YY1: variants seen among roughly 807,000 people sequenced by gnomAD.
YY1 encodes transcriptional repressor protein YY1.
A neutral mutation model predicts 35.6 loss-of-function variants in YY1; 2 were observed. The ratio of observed to expected loss-of-function variants is 0.06; its 90% CI spans 0.02 to 0.18. The LOEUF (loss-of-function observed/expected upper bound fraction) is 0.18. YY1 is among the 10% of genes least tolerant of loss of function. The pLI, the probability that YY1 is intolerant of heterozygous loss-of-function variation, is 1.00. For missense variants in YY1, 322 were observed against 573.4 expected, an observed-to-expected ratio of 0.56 and a Z score of 4.48; for synonymous variants, 268 against 238.9, an observed-to-expected ratio of 1.12 and a Z score of -1.12.
At chr14:100,265,910 G>T (rs1891147936) in intron 2 of YY1, among the ~76,000 whole-genome samples, 1 of 152,078 alleles carries the variant, frequency 6.6e-6, no homozygotes, top group South Asian at 2.1e-4. Flanking sequence ...GCCTCCCAAA[G>T]GGCTGGGATT....
At chr14:100,249,747 C>T (rs1408259870) in intron 1 of YY1, among the ~76,000 whole-genome samples, 1 of 77,556 alleles carries the variant, frequency 1.3e-5, no homozygotes, top group African/African-American at 6.6e-5. Flanking sequence ...TGCTACTTAC[C>T]GTTTTTTTTT....
At chr14:100,248,122 T>TTTTTTTTTC (rs1555369344) in intron 1 of YY1, among the ~76,000 whole-genome samples, 1 of 28,562 alleles carries the variant, frequency 3.5e-5, no homozygotes, top group African/African-American at 1.9e-4. Flanking sequence ...TTTTTTTTTC[T>TTTTTTTTTC]TTTTTTTTTT....
At chr14:100,255,688 G>A (rs540465560) in intron 1 of YY1, among the ~76,000 whole-genome samples, 1 of 152,122 alleles carries the variant, frequency 6.6e-6, no homozygotes, top group African/African-American at 2.4e-5. Flanking sequence ...TTTTCAGCCA[G>A]TTTTATTATG....
chr14:100,244,696 C>T (rs973049151), intron 1 of YY1, among the ~76,000 whole-genome samples: 2 of 151,180 alleles, frequency 1.3e-5, no homozygotes, highest in African/African-American at 4.9e-5. Flanking sequence ...GATCCTCCCA[C>T]CTCAGCCTTC....
intron 2 of YY1, among the ~76,000 whole-genome samples, chr14:100,270,801 C>G (rs1243041503): frequency 6.6e-6 from 1 of 152,076 alleles, no homozygotes; most frequent in Non-Finnish European, 1.5e-5. Flanking sequence ...TCCAAGGAGT[C>G]CTAGGCAGGT....
At chr14:100,245,157 C>T (rs947146503) in intron 1 of YY1, among the ~76,000 whole-genome samples, 10 of 151,596 alleles carry the variant, frequency 6.6e-5, no homozygotes, top group Non-Finnish European at 1.2e-4. Context: ...AGGATGGTCT[C>T]GATCTCCTGA....
chr14:100,255,896 T>A (rs1175757988), intron 1 of YY1, among the ~76,000 whole-genome samples: 1 of 152,210 alleles, frequency 6.6e-6, no homozygotes, highest in Non-Finnish European at 1.5e-5. Context: ...ATTAGAATTG[T>A]TCAGGTTTTG....
Position 100,239,192 on chromosome 14 carries a change from CCCGCAG to C in YY1, c.-49_-44del. ...GGCCGGCCGCCTCCTCGCCCGCCCG[CCCGCAG>C]CCGAGGAGCCGAGGCCGCCGCGGCC... is the stretch of plus-strand genomic sequence containing the variant. On this transcript the variant is annotated 5_prime_UTR_variant, in exon 1 of 5. Coordinates refer to ENST00000262238, the MANE Select transcript of YY1 (RefSeq NM_003403.5). 1 of 1,368,076 alleles carries C rather than the reference CCCGCAG, an allele frequency of 7.3e-7. No individual in the cohort carries two copies. Among genetic ancestry groups the C allele is most frequent in the Non-Finnish European group, 9.4e-7 (1 of 1,068,690 alleles). The allele number at this position is 1,368,076 out of a possible 1,614,324, so 84.7% of individuals were successfully genotyped here. A position where few individuals can be genotyped will look rare whatever the true frequency, so the allele number is the denominator to read the frequency against.
rs1049108924 is a variant in YY1, at chr14:100,278,202, A to T, written c.*602A>T. 2 of 154,896 alleles carry T rather than the reference A, an allele frequency of 1.3e-5. No homozygotes were observed. Among genetic ancestry groups the T allele is most frequent in the African/African-American group, 4.8e-5 (2 of 41,426 alleles). 9.6% of individuals were successfully genotyped at this position (154,896 alleles called of 1,614,324 possible). On this transcript the variant is annotated 3_prime_UTR_variant, in exon 5 of 5. Transcript: ENST00000262238. ...TGGTTGTATTCTTTGATGTTAACAC[A>T]TTTTGTATAATTGTATCGTATAGCT...
chr14:100,240,153 A>G (rs1456558785), intron 1 of YY1, among the ~76,000 whole-genome samples: 3 of 142,842 alleles, frequency 2.1e-5, no homozygotes, highest in East Asian at 2.1e-4. Flanking sequence ...CTAGGCCGCA[A>G]TGGCGTAGTT....
chr14:100,255,724 C>G, intron 1 of YY1, among the ~76,000 whole-genome samples: 1 of 152,178 alleles, frequency 6.6e-6, no homozygotes, highest in East Asian at 1.9e-4. Flanking sequence ...ACAGACCATG[C>G]AGCCTCTCTT....
chr14:100,248,822 G>A lies in YY1; in HGVS notation c.679+8899G>A, dbSNP rs147409002. On this transcript the variant is annotated intron_variant, in intron 1 of 4. Coordinates refer to ENST00000262238, the MANE Select transcript of YY1 (RefSeq NM_003403.5). ...CCTTCCTCAGCCTCCCGAGTAGCTG[G>A]GACTACAGGCGCCCACCACCATACC... Among the ~76,000 whole-genome samples the A allele has an allele frequency of 4.4e-3, 660 of 151,416 alleles. 6 individuals are homozygous for A. The highest frequency in any genetic ancestry group is 0.015 in the African/African-American group (637 of 41,264).
At chr14:100,271,036 G>A (rs1175549443) in intron 2 of YY1, among the ~76,000 whole-genome samples, 1 of 152,070 alleles carries the variant, frequency 6.6e-6, no homozygotes, top group Non-Finnish European at 1.5e-5. Flanking sequence ...ACGAGGTCAG[G>A]AGATCGAGAC....
In YY1 at chr14:100,239,730, C is replaced by T. The variant is rs758462045; in HGVS notation, c.486C>T (p.Gly162=). The change falls in exon 1 of 5, where the codon GGC becomes GGT. Residue 162 remains glycine, a synonymous_variant. Transcript: ENST00000262238. ...TVAAAGKSGG[G]GSSSSGGGRV... ...CGGCGGCCGGCAAGAGCGGCGGCGG[C>T]GGCTCGTCGTCGTCGGGAGGCGGCC... is the stretch of plus-strand genomic sequence containing the variant. 5 of 1,592,618 alleles carry T rather than the reference C, an allele frequency of 3.1e-6. No individual in the cohort carries two copies. The highest frequency in any genetic ancestry group is 2.2e-5 in the South Asian group (2 of 89,798).
chr14:100,248,260 C>T (rs929873901), intron 1 of YY1, among the ~76,000 whole-genome samples: 4 of 151,258 alleles, frequency 2.6e-5, no homozygotes, highest in South Asian at 2.1e-4. Flanking sequence ...GGACTACAGG[C>T]GCCCACCACC....
intron 1 of YY1, among the ~76,000 whole-genome samples, chr14:100,243,437 G>C (rs1265288216): frequency 1.1e-4 from 16 of 152,154 alleles, no homozygotes; most frequent in Non-Finnish European, 1.5e-5. Flanking sequence ...TATAAAAATA[G>C]TTGTACATAC....
intron 2 of YY1, among the ~76,000 whole-genome samples, chr14:100,270,524 G>A (rs977596193): frequency 6.6e-6 from 1 of 151,238 alleles, no homozygotes; most frequent in Non-Finnish European, 1.5e-5. Flanking sequence ...TCAGGAGGCT[G>A]AGGCAGGAGA....
chr14:100,259,450 G>A (rs1489820311), intron 1 of YY1, among the ~76,000 whole-genome samples: 2 of 152,146 alleles, frequency 1.3e-5, no homozygotes, highest in African/African-American at 4.8e-5. Context: ...AACCTGGGAG[G>A]CGGAGGTTGC....
In YY1 at chr14:100,262,383, A is replaced by C; in HGVS notation, c.759A>C (p.Glu253Asp). ...AGAACTCACCTCCTGATTATTCAGA[A>C]TATATGACAGGAAAGAAACTTCCTC... is the stretch of plus-strand genomic sequence containing the variant. ...IGENSPPDYS[E>D]YMTGKKLPPG... Residue 253 changes from glutamate to aspartate, a missense_variant, in exon 2 of 5, where the codon GAA becomes GAC. Transcript: ENST00000262238. The C allele has an allele frequency of 6.2e-7, 1 of 1,614,190 alleles. No individual in the cohort carries two copies. The highest frequency in any genetic ancestry group is 8.5e-7 in the Non-Finnish European group (1 of 1,180,026).
Sources: allele counts gnomAD v4.1 joint callset (sites outside exome capture counted in the v4.1 genomes callset), GRCh38; gene constraint gnomAD v4.1.1; transcripts MANE v1.5; gene names NCBI Gene and HGNC (gene_info 2026-07-23, HGNC 2026-07-21).